Variants in AMZ2 observed in about 807,000 individuals in gnomAD.
AMZ2 encodes the protein archaemetzincin-2.
In AMZ2, 26 loss-of-function variants were observed where a neutral mutation model predicts 36.7. The observed-to-expected ratio is 0.71, with a 90% confidence interval of 0.52 to 0.98. AMZ2 has a LOEUF of 0.98. Among genes scored for constraint, AMZ2 ranks in the 50% least tolerant of loss-of-function variants. AMZ2 has a pLI of 0.00. For synonymous variants in AMZ2, 144 were observed against 149.1 expected, an observed-to-expected ratio of 0.97 and a Z score of 0.25; for missense variants, 394 against 430.5, an observed-to-expected ratio of 0.92 and a Z score of 0.75.
At chr17:68,210,371 C>A (rs189428308) in intron 1 of AMZ2, among the ~76,000 whole-genome samples, 2 of 152,232 alleles carry the variant, frequency 1.3e-5, no homozygotes, top group Admixed American at 1.3e-4. Context: ...AAGGAAATTC[C>A]GACATGTTAC....
intron 1 of AMZ2, chr17:68,206,467 T>G: frequency 5.2e-6 from 1 of 192,804 alleles, no homozygotes; most frequent in Non-Finnish European, 1.0e-5. Flanking sequence ...CAGGCTACAC[T>G]CGCTCGCTCT....
intron 1 of AMZ2, among the ~76,000 whole-genome samples, chr17:68,216,871 A>G (rs1340900433): frequency 8.5e-5 from 13 of 152,064 alleles, no homozygotes; most frequent in African/African-American, 3.1e-4. Context: ...TCTACTAAAA[A>G]CACACAAAAA....
intron 1 of AMZ2, among the ~76,000 whole-genome samples, chr17:68,239,943 T>C (rs550579127): frequency 1.3e-5 from 2 of 152,348 alleles, no homozygotes; most frequent in African/African-American, 4.8e-5. Context: ...AGTTACTATC[T>C]ATAGAGAAAT....
intron 1 of AMZ2, among the ~76,000 whole-genome samples, chr17:68,211,496 C>T (rs1440460731): frequency 8.6e-6 from 1 of 116,236 alleles, no homozygotes; most frequent in African/African-American, 4.6e-5. Context: ...AAGCAAGATT[C>T]CGTCTTAAAA....
At position 68,250,217 on chromosome 17, in the gene AMZ2, A is replaced by G; in HGVS notation, c.30A>G (p.Thr10=). The G allele has an allele frequency of 6.2e-7, 1 of 1,614,130 alleles. No individual in the cohort carries two copies. The highest frequency in any genetic ancestry group is 8.5e-7 in the Non-Finnish European group (1 of 1,180,024). MQIIRHSEQ[T]LKTALISKNP... ...AAATAATACGGCACTCCGAACAGAC[A>G]CTAAAAACAGCTCTCATCTCAAAGA... Residue 10 remains threonine, a synonymous_variant, in exon 2 of 7, where the codon ACA becomes ACG. Transcript: ENST00000359904.
At chr17:68,251,266 AATCAT>A in intron 4 of AMZ2, 88 bp downstream of exon 4, 2 of 1,386,146 alleles carry the variant, frequency 1.4e-6, no homozygotes, top group Non-Finnish European at 2.0e-6. Flanking sequence ...TCCAACCAAG[AATCAT>A]ATTGATATTT....
chr17:68,211,798 G>GTA (rs1274662517), intron 1 of AMZ2, among the ~76,000 whole-genome samples: 1 of 62,320 alleles, frequency 1.6e-5, no homozygotes, highest in African/African-American at 7.4e-5. Flanking sequence ...ATGTATATAT[G>GTA]TGTATATGTA....
At position 68,209,600 on chromosome 17, in the gene AMZ2, GTGTGTATATGTATATA is replaced by G. The variant is rs1234836967; in HGVS notation, c.-67+3364_-67+3379del. ...ATTGTGGGTGTGTGTGTGTGTGTGT[GTGTGTATATGTATATA>G]TATATATATATATATATTTTTTTTT... On this transcript the variant is annotated intron_variant, in intron 1 of 7. Coordinates refer to the AMZ2 transcript ENST00000674770. 1.3e-3 allele frequency among the ~76,000 whole-genome samples: 153 copies of G among 121,118 alleles called. 5 individuals carry two copies. Among genetic ancestry groups the G allele is most frequent in the Admixed American group, 2.2e-3 (26 of 11,790 alleles). The allele number at this position is 121,118 out of a possible 152,430, so 79.5% of individuals were successfully genotyped here.
intron 1 of AMZ2, among the ~76,000 whole-genome samples, chr17:68,214,093 CTTTT>C (rs59760940): frequency 7.0e-6 from 1 of 142,548 alleles, no homozygotes; most frequent in African/African-American, 2.6e-5. Flanking sequence ...GCTTCCTATT[CTTTT>C]TTTTTTTTAT....
chr17:68,213,663 A>G (rs1599273975), intron 1 of AMZ2, among the ~76,000 whole-genome samples: 1 of 152,232 alleles, frequency 6.6e-6, no homozygotes, highest in Admixed American at 6.5e-5. Flanking sequence ...GGCGTTTTCA[A>G]TCTGGCAATT....
intron 1 of AMZ2, among the ~76,000 whole-genome samples, chr17:68,241,288 C>G (rs1349329094): frequency 6.6e-6 from 1 of 151,946 alleles, no homozygotes; most frequent in African/African-American, 2.4e-5. Flanking sequence ...TAACTCTAGG[C>G]AAAAATAAAG....
intron 1 of AMZ2, among the ~76,000 whole-genome samples, chr17:68,213,292 C>T (rs1308166509): frequency 6.6e-6 from 1 of 152,172 alleles, no homozygotes; most frequent in Non-Finnish European, 1.5e-5. Context: ...TTGCCTCTTT[C>T]TGAGTGAAAA....
chr17:68,253,977 T>G (rs1414109451), intron 4 of AMZ2, among the ~76,000 whole-genome samples: 2 of 152,120 alleles, frequency 1.3e-5, no homozygotes, highest in African/African-American at 2.4e-5. Context: ...GCTTCTGACA[T>G]CAGGTGATCC....
intron 1 of AMZ2, among the ~76,000 whole-genome samples, chr17:68,222,137 C>A (rs573639118): frequency 2.7e-4 from 41 of 152,370 alleles, no homozygotes; most frequent in Admixed American, 1.0e-3. Flanking sequence ...TGAAACCCAG[C>A]AGGCTCCCCA....
At position 68,254,534 on chromosome 17, in the gene AMZ2, A is replaced by G. The variant is rs2074747534; in HGVS notation, c.717A>G (p.Glu239=). 2.5e-6 allele frequency: 4 copies of G among 1,613,054 alleles called. No individual in the cohort carries two copies. The highest frequency in any genetic ancestry group is 3.4e-6 in the Non-Finnish European group (4 of 1,179,426). Residue 239 remains glutamate, a synonymous_variant, in exon 5 of 7, where the codon GAA becomes GAG. Coordinates refer to ENST00000359904, the MANE Select transcript of AMZ2 (RefSeq NM_016627.5). ...YSIFDNYYIP[E]ITSVLLLRSC... is the part of the protein sequence containing the mutation. Reference sequence around the variant, plus strand: ...TTTTCGACAACTATTATATTCCAGAAATAACTAGTGTTTTACTACTTCGAT... The same window carrying G: ...TTTTCGACAACTATTATATTCCAGAGATAACTAGTGTTTTACTACTTCGAT...
Position 68,235,733 on chromosome 17 carries a change from A to AC in AMZ2, c.-66-12904dup, listed in dbSNP as rs2073770476. 6.6e-6 allele frequency among the ~76,000 whole-genome samples: 1 copy of AC among 150,806 alleles called. No homozygotes were observed. The highest frequency in any genetic ancestry group is 6.6e-5 in the Admixed American group (1 of 15,180). On this transcript the variant is annotated intron_variant, in intron 1 of 7. Coordinates refer to the AMZ2 transcript ENST00000674770. The surrounding 1 kb of genome is among the most constrained non-coding windows in gnomAD (Gnocchi z 4.2). ...CCAGGAGCAGCGTGTGCCACGTGTG[A>AC]CCCTGCTCTGCTGTGGCTTTTTGGT... is the stretch of plus-strand genomic sequence containing the variant.
chr17:68,251,205 G>A (rs1555739700), intron 4 of AMZ2, 27 bp downstream of exon 4: 3 of 1,595,202 alleles, frequency 1.9e-6, no homozygotes, highest in Non-Finnish European at 2.6e-6. Flanking sequence ...ATTGTTGTTA[G>A]AAGCTTCTTC....
At chr17:68,207,144 C>T (rs1235717652) in intron 1 of AMZ2, 9 of 152,186 alleles carry the variant, frequency 5.9e-5, no homozygotes, top group Non-Finnish European at 1.0e-4. Flanking sequence ...ACTTCTAAGT[C>T]ACACAGCATC....
chr17:68,224,898 C>T (rs533454170), intron 1 of AMZ2, among the ~76,000 whole-genome samples: 3 of 151,736 alleles, frequency 2.0e-5, no homozygotes, highest in Non-Finnish European at 4.4e-5. Flanking sequence ...GGAAACCAGG[C>T]TGGGCGTGGT....
Sources: allele counts gnomAD v4.1 joint callset (sites outside exome capture counted in the v4.1 genomes callset), GRCh38; gene constraint gnomAD v4.1.1; non-coding constraint Gnocchi (gnomAD v3.1); transcripts MANE v1.5; gene names NCBI Gene and HGNC (gene_info 2026-07-23, HGNC 2026-07-21).